The following STAG1 variants were observed in gnomAD, a reference collection of about 807,000 sequenced individuals.
STAG1 encodes the protein STAG1 cohesin complex component, also known as cohesin subunit SA-1.
In STAG1, 26 loss-of-function variants were observed where a neutral mutation model predicts 170.9. The ratio of observed to expected loss-of-function variants is 0.15; its 90% CI spans 0.11 to 0.21. The LOEUF is 0.21. STAG1 is among the 10% of genes least tolerant of loss of function. The pLI is 1.00. For missense variants in STAG1, 964 were observed against 1,509.5 expected (o/e 0.64, Z 5.99); for synonymous variants, 514 against 497.7 (o/e 1.03, Z -0.44).
chr3:136,719,502 G>A (rs923979210), intron 1 of STAG1, among the ~76,000 whole-genome samples: 1 of 151,054 alleles, frequency 6.6e-6, no homozygotes, highest in African/African-American at 2.4e-5. Flanking sequence ...TTTATGTTAT[G>A]TAAATTATAC....
chr3:136,521,114 A>G, intron 7 of STAG1, 99 bp downstream of exon 7: 2 of 992,800 alleles, frequency 2.0e-6, no homozygotes, highest in Non-Finnish European at 3.0e-6. Context: ...GTTTTATTCT[A>G]ATTAAATTTT....
At chr3:136,436,726 G>T (rs139957373) in intron 15 of STAG1, among the ~76,000 whole-genome samples, 1,584 of 152,164 alleles carry the variant, frequency 0.01, 30 homozygotes, top group African/African-American at 0.036. Context: ...ATTTACAAAG[G>T]TTTAAAAGTT....
intron 28 of STAG1, among the ~76,000 whole-genome samples, chr3:136,353,869 TAACTGATTTA>T (rs1300321704): frequency 6.6e-6 from 1 of 152,226 alleles, no homozygotes; most frequent in Admixed American, 6.5e-5. Context: ...CCTTCTCTCT[TAACTGATTTA>T]AAAAGCAAAT....
chr3:136,489,843 G>A (rs2090088603), intron 9 of STAG1, among the ~76,000 whole-genome samples: 1 of 152,150 alleles, frequency 6.6e-6, no homozygotes, highest in Non-Finnish European at 1.5e-5. Flanking sequence ...AGTGCTGAAA[G>A]TTAGTAAAGA....
intron 6 of STAG1, among the ~76,000 whole-genome samples, chr3:136,522,495 T>C (rs977776810): frequency 2.4e-4 from 36 of 152,296 alleles, no homozygotes; most frequent in African/African-American, 8.4e-4. Context: ...CTGCTGCTTC[T>C]ATATCACAAA....
At chr3:136,477,636 T>C (rs1181210776) in intron 9 of STAG1, among the ~76,000 whole-genome samples, 2 of 152,144 alleles carry the variant, frequency 1.3e-5, no homozygotes, top group African/African-American at 4.8e-5. Context: ...TTTGACCCAA[T>C]TACTCTATTT....
chr3:136,410,034 C>T (rs1434517512), intron 21 of STAG1, among the ~76,000 whole-genome samples: 8 of 147,760 alleles, frequency 5.4e-5, no homozygotes, highest in Admixed American at 2.0e-4. Context: ...TGTGCCACTG[C>T]CCTCCAATCT....
chr3:136,436,553 T>C (rs934728716), intron 15 of STAG1, among the ~76,000 whole-genome samples: 6 of 152,190 alleles, frequency 3.9e-5, no homozygotes, highest in Non-Finnish European at 7.3e-5. Context: ...AAGTGCTAGA[T>C]TACAGGTGTG....
At chr3:136,458,518 T>A (rs950007232) in intron 13 of STAG1, among the ~76,000 whole-genome samples, 2 of 152,116 alleles carry the variant, frequency 1.3e-5, no homozygotes, top group Non-Finnish European at 2.9e-5. Flanking sequence ...CACAAAGCAA[T>A]GTCTATAATA....
intron 1 of STAG1, among the ~76,000 whole-genome samples, chr3:136,663,337 T>C (rs1201341482): frequency 6.6e-6 from 1 of 152,180 alleles, no homozygotes; most frequent in African/African-American, 2.4e-5. Context: ...GAAGTAGATA[T>C]TACTATTCCT....
intron 29 of STAG1, among the ~76,000 whole-genome samples, chr3:136,347,740 A>T (rs1264019008): frequency 6.6e-6 from 1 of 152,228 alleles, no homozygotes; most frequent in African/African-American, 2.4e-5. Flanking sequence ...ACGTTCAGAT[A>T]ATTTATTGAA....
intron 23 of STAG1, among the ~76,000 whole-genome samples, chr3:136,371,119 G>A (rs1937309475): frequency 6.6e-6 from 1 of 152,146 alleles, no homozygotes; most frequent in African/African-American, 2.4e-5. Flanking sequence ...GTGATGATGA[G>A]CATTTTTTCA....
At chr3:136,466,523 C>T (rs766692948) in intron 12 of STAG1, among the ~76,000 whole-genome samples, 31 of 152,176 alleles carry the variant, frequency 2.0e-4, no homozygotes, top group Non-Finnish European at 4.4e-4. Flanking sequence ...AAATCTACGT[C>T]GGATTGGTGT....
At chr3:136,701,549 C>A (rs527661745) in intron 1 of STAG1, among the ~76,000 whole-genome samples, 1 of 152,260 alleles carries the variant, frequency 6.6e-6, no homozygotes, top group East Asian at 1.9e-4. Flanking sequence ...AAGATCTGAA[C>A]TCGCTTCCTA....
chr3:136,403,445 G>A (rs566573942), intron 21 of STAG1, among the ~76,000 whole-genome samples: 1 of 151,914 alleles, frequency 6.6e-6, no homozygotes, highest in African/African-American at 2.4e-5. Context: ...AAACATTAGT[G>A]CTAAAAAAAT....
chr3:136,704,681 T>G (rs1355985212), intron 1 of STAG1, among the ~76,000 whole-genome samples: 1 of 151,324 alleles, frequency 6.6e-6, no homozygotes, highest in Non-Finnish European at 1.5e-5. Flanking sequence ...TACAGAAAAT[T>G]AGCCAGGCGT....
chr3:136,663,232 C>A (rs1206095286), intron 1 of STAG1, among the ~76,000 whole-genome samples: 1 of 151,966 alleles, frequency 6.6e-6, no homozygotes, highest in East Asian at 1.9e-4. Context: ...ATGATGTTGA[C>A]AAACAGCAGT....
At chr3:136,553,246 A>T (rs1185528755) in intron 5 of STAG1, among the ~76,000 whole-genome samples, 1 of 152,210 alleles carries the variant, frequency 6.6e-6, no homozygotes, top group Admixed American at 6.5e-5. Context: ...GGGGGATATT[A>T]TTCAGAAAGC....
At chr3:136,698,767 T>C (rs540460623) in intron 1 of STAG1, among the ~76,000 whole-genome samples, 1 of 152,274 alleles carries the variant, frequency 6.6e-6, no homozygotes, top group South Asian at 2.1e-4. Flanking sequence ...TGCATCTATA[T>C]AGCAGCACAA....
Sources: gnomAD v4.1 joint callset for allele counts (sites outside exome capture counted in the v4.1 genomes callset) on GRCh38, gnomAD v4.1.1 for gene constraint, MANE v1.5 for transcripts, NCBI Gene and HGNC (gene_info 2026-07-23, HGNC 2026-07-21) for gene names.